Variants in TLN2 observed in about 807,000 individuals in gnomAD.
The protein encoded by TLN2 is talin 2.
In TLN2, 118 loss-of-function variants were observed where a neutral mutation model predicts 294.7. The ratio of observed to expected loss-of-function variants is 0.40; its 90% CI spans 0.34 to 0.47. The LOEUF (loss-of-function observed/expected upper bound fraction) is 0.47, where lower values mean the gene tolerates loss of function less well. Ranked by LOEUF, TLN2 falls within the 20% of genes least tolerant of loss-of-function variation. TLN2 has a pLI of 0.84. For missense variants in TLN2, 3,083 were observed against 3,282.2 expected (o/e 0.94, Z 1.48); for synonymous variants, 1,431 against 1,304.5 (o/e 1.10, Z -2.09).
chr15:62,840,394 G>A (rs2070508103), intron 58 of TLN2, 88 bp from the exon 59 acceptor site: 4 of 1,538,948 alleles, frequency 2.6e-6, no homozygotes, highest in South Asian at 1.2e-5. Flanking sequence ...ACGGTCGCGG[G>A]AGCCGTGGAG....
At chr15:62,401,003 A>G (rs1460672656) in intron 1 of TLN2, among the ~76,000 whole-genome samples, 1 of 152,012 alleles carries the variant, frequency 6.6e-6, no homozygotes, top group African/African-American at 2.4e-5. Context: ...TTTAGCAGAG[A>G]CAGGGTTTCA....
At chr15:62,748,755 G>C (rs2061754698) in intron 33 of TLN2, among the ~76,000 whole-genome samples, 1 of 152,192 alleles carries the variant, frequency 6.6e-6, no homozygotes, top group African/African-American at 2.4e-5. Context: ...GTTGGGTGTA[G>C]GCTGAAGATC....
At chr15:62,537,621 G>C (rs547935362) in intron 1 of TLN2, among the ~76,000 whole-genome samples, 1 of 152,300 alleles carries the variant, frequency 6.6e-6, no homozygotes, top group South Asian at 2.1e-4. Flanking sequence ...CCTCAGCTGA[G>C]CTTTTCTCTT....
intron 2 of TLN2, among the ~76,000 whole-genome samples, chr15:62,617,902 A>G (rs1239202647): frequency 6.6e-6 from 1 of 152,176 alleles, no homozygotes; most frequent in Non-Finnish European, 1.5e-5. Flanking sequence ...TCCTTTCTGA[A>G]AAGAAAGAAG....
chr15:62,695,559 T>C (rs1383719811), intron 14 of TLN2, among the ~76,000 whole-genome samples: 1 of 152,236 alleles, frequency 6.6e-6, no homozygotes, highest in African/African-American at 2.4e-5. Flanking sequence ...CATAGTACGC[T>C]GCTAGAAAGT....
At chr15:62,579,025 G>A (rs1320654541) in intron 1 of TLN2, among the ~76,000 whole-genome samples, 1 of 152,204 alleles carries the variant, frequency 6.6e-6, no homozygotes, top group African/African-American at 2.4e-5. Flanking sequence ...AGAAATGCAA[G>A]AGTAGGAGGA....
chr15:62,437,753 G>GGC (rs397792272), intron 1 of TLN2, among the ~76,000 whole-genome samples: 3 of 142,050 alleles, frequency 2.1e-5, no homozygotes, highest in Admixed American at 2.0e-4. Flanking sequence ...CACCATGGGG[G>GGC]TGTGTGTGTG....
intron 32 of TLN2, 33 bp from the exon 33 acceptor site, chr15:62,748,318 A>C (rs958186021): frequency 4.1e-5 from 12 of 294,516 alleles, no homozygotes; most frequent in Non-Finnish European, 6.3e-5. Flanking sequence ...GTTGATCTTC[A>C]AAAAAAAAAA....
intron 37 of TLN2, among the ~76,000 whole-genome samples, chr15:62,756,072 G>A (rs1027477739): frequency 1.9e-4 from 29 of 152,316 alleles, no homozygotes; most frequent in Admixed American, 1.9e-3. Flanking sequence ...GGGTGGGCTA[G>A]TAGAGGGCTC....
At chr15:62,423,974 C>T (rs987846320) in intron 1 of TLN2, among the ~76,000 whole-genome samples, 1 of 152,112 alleles carries the variant, frequency 6.6e-6, no homozygotes, top group Admixed American at 6.5e-5. Flanking sequence ...CTAATGTTAA[C>T]GTTAATTGCA....
intron 1 of TLN2, among the ~76,000 whole-genome samples, chr15:62,559,534 CT>C (rs1280777685): frequency 2.0e-5 from 3 of 152,312 alleles, no homozygotes; most frequent in African/African-American, 7.2e-5. Flanking sequence ...ATCACTAGCA[CT>C]TTCTTGTGCT....
At position 62,650,120 on chromosome 15, in the gene TLN2, C is replaced by G; in HGVS notation, c.173C>G (p.Pro58Arg). 1 of 1,614,062 alleles carries G rather than the reference C, an allele frequency of 6.2e-7. No individual in the cohort carries two copies. Among genetic ancestry groups the G allele is most frequent in the Non-Finnish European group, 8.5e-7 (1 of 1,180,006 alleles). ...DYGLFLSDEDPRKGIWLEAGR... is the reference protein window; with the variant it reads ...DYGLFLSDEDRRKGIWLEAGR... ...GGACTCTTTCTTTCGGATGAAGACCCGAGGAAAGGGATTTGGCTGGAAGCG... is the reference window on the plus strand; with the variant it reads ...GGACTCTTTCTTTCGGATGAAGACCGGAGGAAAGGGATTTGGCTGGAAGCG... Residue 58 changes from proline to arginine, a missense_variant, in exon 5 of 59, where the codon CCG becomes CGG. By Grantham distance (103) the Pro-to-Arg change is moderately radical (BLOSUM62 -2). Transcript: ENST00000636159.
In TLN2 at chr15:62,697,796, C is replaced by T. The variant is rs773713515; in HGVS notation, c.1401C>T (p.Asn467=). The change falls in exon 15 of 59, where the codon AAC becomes AAT. Residue 467 remains asparagine, a synonymous_variant. Transcript: ENST00000636159. ...RSGSSGPETF[N]VGSMPSPQQQ... is the part of the protein sequence containing the mutation. ...GCTCCAGCGGGCCTGAGACCTTCAA[C>T]GTTGGCAGCATGCCCTCGCCACAGC... is the stretch of plus-strand genomic sequence containing the variant. The T allele has an allele frequency of 1.1e-5, 17 of 1,612,590 alleles. No individual in the cohort carries two copies. Among genetic ancestry groups the T allele is most frequent in the South Asian group, 4.4e-5 (4 of 90,972 alleles).
At chr15:62,784,149 C>A in intron 45 of TLN2, 1 of 521,802 alleles carries the variant, frequency 1.9e-6, no homozygotes, top group Non-Finnish European at 3.3e-6. Flanking sequence ...ATACAGTGTT[C>A]TATCAGGTCC....
At chr15:62,799,676 A>G (rs894259814) in intron 48 of TLN2, among the ~76,000 whole-genome samples, 1 of 152,252 alleles carries the variant, frequency 6.6e-6, no homozygotes, top group Non-Finnish European at 1.5e-5. Context: ...CAGATGATTT[A>G]TAAGTGAATA....
intron 2 of TLN2, among the ~76,000 whole-genome samples, chr15:62,598,722 C>T (rs1405062084): frequency 6.6e-6 from 1 of 150,854 alleles, no homozygotes; most frequent in Non-Finnish European, 1.5e-5. Flanking sequence ...TCTCTCCATT[C>T]CTGAGAGAAA....
chr15:62,515,554 C>G (rs1250872268), intron 1 of TLN2, among the ~76,000 whole-genome samples: 3 of 152,112 alleles, frequency 2.0e-5, no homozygotes, highest in African/African-American at 7.2e-5. Context: ...AGTGTTCTCC[C>G]TGAAGGAGAG....
At chr15:62,530,089 G>T (rs1301969808) in intron 1 of TLN2, among the ~76,000 whole-genome samples, 1 of 152,180 alleles carries the variant, frequency 6.6e-6, no homozygotes. Flanking sequence ...TACTTGGGAG[G>T]CTGAGGCAGG....
intron 57 of TLN2, among the ~76,000 whole-genome samples, chr15:62,837,345 GA>G (rs1327064883): frequency 6.6e-6 from 1 of 152,230 alleles, no homozygotes; most frequent in Non-Finnish European, 1.5e-5. Context: ...CCTGAGTTAA[GA>G]GAGACCTGGT....
Sources: gnomAD v4.1 joint callset for allele counts (sites outside exome capture counted in the v4.1 genomes callset) on GRCh38, gnomAD v4.1.1 for gene constraint, MANE v1.5 for transcripts, NCBI Gene and HGNC (gene_info 2026-07-23, HGNC 2026-07-21) for gene names.